The following CD44 variants were observed in gnomAD, a reference collection of about 807,000 sequenced individuals.
CD44 encodes the protein CD44 antigen.
CD44 carries 49 observed loss-of-function variants against 88.8 expected under a neutral mutation model. That is an observed-to-expected ratio of 0.55 (90% CI 0.44 to 0.70). The LOEUF (loss-of-function observed/expected upper bound fraction) is 0.70. CD44 is among the 30% of genes least tolerant of loss of function. CD44 has a pLI of 0.00. For synonymous variants in CD44, 325 were observed against 312.3 expected (o/e 1.04, Z -0.43); for missense variants, 883 against 913.8 (o/e 0.97, Z 0.43).
chr11:35,176,492 A>T, intron 1 of CD44, 83 bp from the exon 2 acceptor site: 1 of 1,340,514 alleles, frequency 7.5e-7, no homozygotes, highest in Non-Finnish European at 1.0e-6. Context: ...TTGACTTTTT[A>T]AGGAGTCTGT....
rs1944498411 is a variant in CD44 at position 35,176,647 on chromosome 11, C to T, written c.140C>T (p.Thr47Met). The T allele has an allele frequency of 1.2e-6, 2 of 1,614,172 alleles. No homozygotes were observed. The highest frequency in any genetic ancestry group is 1.1e-5 in the South Asian group (1 of 91,088). ...EKNGRYSISR[T>M]EAADLCKAFN... The stretch of plus-strand genomic sequence containing the variant: ...AATGGTCGCTACAGCATCTCTCGGA[C>T]GGAGGCCGCTGACCTCTGCAAGGCT... Residue 47 changes from threonine (T) to methionine (M), a missense_variant, in exon 2 of 18, where the codon ACG becomes ATG. Physicochemically the swap from Thr to Met is moderately conservative, Grantham distance 81. Around this residue, in one of 2 missense-constraint regions of CD44, gnomAD observed 252 missense variants for 322.9 expected, o/e 0.78. Coordinates refer to ENST00000428726, the MANE Select transcript of CD44 (RefSeq NM_000610.4).
At chr11:35,141,032 T>C (rs923897350) in intron 1 of CD44, among the ~76,000 whole-genome samples, 1 of 149,084 alleles carries the variant, frequency 6.7e-6, no homozygotes, top group East Asian at 1.9e-4. Context: ...AAAAAAAAAA[T>C]GAATACAGTG....
intron 15 of CD44, among the ~76,000 whole-genome samples, chr11:35,217,939 T>G (rs1260124583): frequency 6.6e-6 from 1 of 152,080 alleles, no homozygotes; most frequent in Non-Finnish European, 1.5e-5. Flanking sequence ...TTTAAAAAAA[T>G]TGTTTATTTA....
intron 11 of CD44, among the ~76,000 whole-genome samples, chr11:35,207,001 C>T (rs1192163195): frequency 6.6e-6 from 1 of 152,210 alleles, no homozygotes; most frequent in African/African-American, 2.4e-5. Context: ...ATACAATTGG[C>T]TTCAACTACA....
intron 13 of CD44, 144 bp downstream of exon 13, chr11:35,210,198 T>G (rs1478388122): frequency 1.9e-6 from 1 of 515,844 alleles, no homozygotes; most frequent in African/African-American, 2.0e-5. Context: ...CTGGTGGTGG[T>G]TCTCTGATTT....
intron 12 of CD44, among the ~76,000 whole-genome samples, chr11:35,208,829 G>A (rs749115476): frequency 2.6e-5 from 4 of 152,124 alleles, no homozygotes; most frequent in African/African-American, 9.7e-5. Flanking sequence ...GCCTAAAGTC[G>A]TTCATAATTT....
intron 9 of CD44, among the ~76,000 whole-genome samples, chr11:35,203,262 A>G (rs1319099574): frequency 6.6e-6 from 1 of 152,040 alleles, no homozygotes; most frequent in African/African-American, 2.4e-5. Context: ...AGTTATGGGT[A>G]CTTAAAAAAA....
chr11:35,204,404 C>A, intron 9 of CD44, 108 bp from the exon 10 acceptor site: 1 of 1,022,422 alleles, frequency 9.8e-7, no homozygotes, highest in Non-Finnish European at 1.4e-6. Flanking sequence ...CCTTTCTTTT[C>A]TACCTTCCCT....
At chr11:35,185,976 GTCAGGCCCAAGAT>G (rs1483892435) in intron 3 of CD44, among the ~76,000 whole-genome samples, 1 of 152,136 alleles carries the variant, frequency 6.6e-6, no homozygotes, top group East Asian at 1.9e-4. Flanking sequence ...TGGATGATCA[GTCAGGCCCAAGAT>G]TCAGGCAGAA....
intron 17 of CD44, among the ~76,000 whole-genome samples, chr11:35,228,046 A>G (rs554707212): frequency 2.0e-5 from 3 of 152,334 alleles, no homozygotes; most frequent in African/African-American, 7.2e-5. Flanking sequence ...CTGAATCCCC[A>G]TCTTGCTTGT....
At chr11:35,154,295 C>T (rs895927269) in intron 1 of CD44, among the ~76,000 whole-genome samples, 2 of 152,100 alleles carry the variant, frequency 1.3e-5, no homozygotes, top group African/African-American at 4.8e-5. Flanking sequence ...CAAGGTCATA[C>T]AGGTGCCTCT....
Position 35,201,803 on chromosome 11 carries a change from GT to G in CD44, c.1153+17del, listed in dbSNP as rs772625633. The stretch of plus-strand genomic sequence containing the variant: ...ACAAGCACAAGTAAGCAAGATGGCG[GT>G]CGGCAGTTCTGGGTTAGATGAATTA... On this transcript the variant is annotated intron_variant, in intron 9 of 17. Coordinates refer to ENST00000428726, the MANE Select transcript of CD44 (RefSeq NM_000610.4). The G allele has an allele frequency of 8.1e-6, 13 of 1,612,832 alleles. No homozygotes were observed. Among genetic ancestry groups the G allele is most frequent in the African/African-American group, 1.3e-5 (1 of 74,856 alleles).
rs1404698819 is a variant in CD44 at position 35,208,149 on chromosome 11, C to A, written c.1459C>A (p.Pro487Thr). 6.2e-7 allele frequency: 1 copy of A among 1,612,968 alleles called. No homozygotes were observed. The highest frequency in any genetic ancestry group is 1.7e-5 in the Admixed American group (1 of 60,010). ...HSITLQPTANPNTGLVEDLDR... is the reference protein window; with the variant it reads ...HSITLQPTANTNTGLVEDLDR... ...TATAACGCTTCAGCCTACTGCAAATCCAAACACAGGTTTGGTGGAAGATTT... is the reference window on the plus strand; with the variant it reads ...TATAACGCTTCAGCCTACTGCAAATACAAACACAGGTTTGGTGGAAGATTT... Residue 487 changes from proline to threonine, a missense_variant, in exon 12 of 18, where the codon CCA becomes ACA. Physicochemically the swap from Pro to Thr is conservative, Grantham distance 38. Transcript: ENST00000428726.
At chr11:35,213,098 A>G (rs1258236052) in intron 14 of CD44, among the ~76,000 whole-genome samples, 2 of 152,168 alleles carry the variant, frequency 1.3e-5, no homozygotes, top group Non-Finnish European at 2.9e-5. Flanking sequence ...TGCTAGGATT[A>G]CAGACGTGAG....
At chr11:35,197,800 G>T (rs565757697) in intron 6 of CD44, 24 of 215,848 alleles carry the variant, frequency 1.1e-4, no homozygotes, top group African/African-American at 4.4e-4. Context: ...TATGGTTAAT[G>T]AGTTAATAAT....
At chr11:35,202,581 T>A (rs1947419022) in intron 9 of CD44, among the ~76,000 whole-genome samples, 1 of 152,184 alleles carries the variant, frequency 6.6e-6, no homozygotes, top group African/African-American at 2.4e-5. Context: ...GACCCAACTG[T>A]CATTCTCACA....
chr11:35,177,361 T>A (rs3794107), intron 2 of CD44, among the ~76,000 whole-genome samples: 10,106 of 152,278 alleles, frequency 0.066, 412 homozygotes, highest in South Asian at 0.2. Context: ...AGCAAGATAA[T>A]CACAACAAGC....
At chr11:35,225,215 G>A (rs910533996) in intron 17 of CD44, among the ~76,000 whole-genome samples, 16 of 135,660 alleles carry the variant, frequency 1.2e-4, no homozygotes, top group Non-Finnish European at 2.5e-4. Flanking sequence ...ATATTGGATG[G>A]CACAGCTCTA....
intron 14 of CD44, among the ~76,000 whole-genome samples, chr11:35,211,744 T>C (rs1948413924): frequency 6.6e-6 from 1 of 152,046 alleles, no homozygotes; most frequent in Admixed American, 6.6e-5. Context: ...AATTGCTTTC[T>C]TTGTCTTATC....
Sources: gnomAD v4.1 joint callset for allele counts (sites outside exome capture counted in the v4.1 genomes callset) on GRCh38, gnomAD v4.1.1 for gene constraint, gnomAD v4.1.1 regional missense constraint, MANE v1.5 for transcripts, NCBI Gene and HGNC (gene_info 2026-07-23, HGNC 2026-07-21) for gene names.